Variants in HSPA14 observed in about 807,000 individuals in gnomAD.
HSPA14 encodes heat shock protein family A (Hsp70) member 14.
HSPA14 carries 37 observed loss-of-function variants against 65.5 expected under a neutral mutation model. That is an observed-to-expected ratio of 0.56 (90% CI 0.43 to 0.74). The LOEUF is 0.74. Ranked by LOEUF, HSPA14 falls within the 30% of genes least tolerant of loss-of-function variation. The pLI, the probability that HSPA14 is intolerant of heterozygous loss-of-function variation, is 0.00. For synonymous variants in HSPA14, 203 were observed against 214.2 expected (o/e 0.95, Z 0.46); for missense variants, 564 against 607.6 (o/e 0.93, Z 0.75).
chr10:14,870,727 G>A, intron 13 of HSPA14, 60 bp downstream of exon 13: 2 of 1,382,014 alleles, frequency 1.4e-6, no homozygotes, highest in Non-Finnish European at 1.9e-6. Flanking sequence ...CATTTTTTGA[G>A]TTTATTGATT....
chr10:14,849,399 A>G (rs1485387122), intron 5 of HSPA14: 2 of 508,236 alleles, frequency 3.9e-6, no homozygotes, highest in Non-Finnish European at 7.9e-6. Context: ...GAGAACTAAC[A>G]TTATGACGTT....
chr10:14,860,017 CTTCT>C (rs1832738318), intron 10 of HSPA14, among the ~76,000 whole-genome samples: 1 of 152,220 alleles, frequency 6.6e-6, no homozygotes, highest in African/African-American at 2.4e-5. Context: ...CTGTTCAAAT[CTTCT>C]TTAATACTTC....
At chr10:14,851,421 T>A in intron 7 of HSPA14, 98 bp downstream of exon 7, 1 of 714,184 alleles carries the variant, frequency 1.4e-6, no homozygotes, top group African/African-American at 1.8e-5. Flanking sequence ...ATGCAGTGGT[T>A]CCAAACCTTT....
chr10:14,858,748 C>A (rs1832728104), intron 10 of HSPA14, among the ~76,000 whole-genome samples: 1 of 152,186 alleles, frequency 6.6e-6, no homozygotes, highest in Non-Finnish European at 1.5e-5. Flanking sequence ...TAGGGATTTA[C>A]ATGTATTAAA....
intron 3 of HSPA14, among the ~76,000 whole-genome samples, chr10:14,847,731 A>G (rs1834071860): frequency 6.6e-6 from 1 of 152,246 alleles, no homozygotes; most frequent in African/African-American, 2.4e-5. Context: ...AAACAAATAG[A>G]ATAGTCACAG....
intron 12 of HSPA14, among the ~76,000 whole-genome samples, chr10:14,868,989 G>A (rs1832830889): frequency 6.6e-6 from 1 of 152,014 alleles, no homozygotes; most frequent in Non-Finnish European, 1.5e-5. Flanking sequence ...TGGGACTACA[G>A]GCGCCCACCA....
chr10:14,842,046 G>A lies in HSPA14; in HGVS notation c.221+1889G>A. 2.1e-6 allele frequency: 2 copies of A among 942,102 alleles called. No individual in the cohort carries two copies. 58.4% of individuals were successfully genotyped at this position (942,102 alleles called of 1,614,324 possible). On this transcript the variant is annotated intron_variant, in intron 3 of 13. Transcript: ENST00000378372. This position sits in a 1 kb window ranked among gnomAD's most constrained non-coding sequence, Gnocchi z 5.2. ...CAGTCTTGGCCTCATGCCTGTTTAT[G>A]ACCTACTCACAGGTAGCACCACTTA...
chr10:14,839,926 G>A lies in HSPA14; in HGVS notation c.79G>A (p.Ala27Thr). 1 of 1,612,760 alleles carries A rather than the reference G, an allele frequency of 6.2e-7. No individual in the cohort carries two copies. The highest frequency in any genetic ancestry group is 1.1e-5 in the South Asian group (1 of 91,024). ...VYKDGRAGVV[A>T]NDAGDRVTPA... is the part of the protein sequence containing the mutation. Reference sequence around the variant, plus strand: ...CTAGGATGGCCGGGCTGGTGTGGTTGCAAATGATGCCGGTGACCGAGTTAC... The same window carrying A: ...CTAGGATGGCCGGGCTGGTGTGGTTACAAATGATGCCGGTGACCGAGTTAC... Residue 27 changes from alanine to threonine, a missense_variant, in exon 2 of 14, where the codon GCA (alanine) becomes ACA (threonine). Physicochemically the swap from Ala to Thr is moderately conservative, Grantham distance 58. Coordinates refer to ENST00000378372, the MANE Select transcript of HSPA14 (RefSeq NM_016299.4).
intron 3 of HSPA14, chr10:14,843,284 T>C (rs1833998591): frequency 6.7e-7 from 1 of 1,490,986 alleles, no homozygotes; most frequent in Non-Finnish European, 9.1e-7. Flanking sequence ...AACCATAGTT[T>C]TATAATTTGT....
intron 9 of HSPA14, among the ~76,000 whole-genome samples, chr10:14,854,954 C>G (rs1041468478): frequency 6.6e-6 from 1 of 152,160 alleles, no homozygotes; most frequent in Non-Finnish European, 1.5e-5. Context: ...CAGCTATGCT[C>G]CAGATCTTTG....
intron 9 of HSPA14, among the ~76,000 whole-genome samples, chr10:14,855,101 A>G (rs1370126361): frequency 6.6e-6 from 1 of 152,158 alleles, no homozygotes; most frequent in African/African-American, 2.4e-5. Context: ...CTCGGTATAT[A>G]TTTGCTTTAT....
chr10:14,845,275 T>C, intron 3 of HSPA14: 5 of 985,384 alleles, frequency 5.1e-6, no homozygotes, highest in Non-Finnish European at 6.0e-6. Flanking sequence ...TCTTTAGGAT[T>C]TAAAAAGTTT....
At position 14,845,140 on chromosome 10, in the gene HSPA14, G is replaced by A. The variant is rs371086873; in HGVS notation, c.222-3469G>A. On this transcript the variant is annotated intron_variant, in intron 3 of 13. Coordinates refer to ENST00000378372, the MANE Select transcript of HSPA14 (RefSeq NM_016299.4). ...CCTCCACACCCCAGACACACACTGGGGAGAGATGAAGGTGATAAGCCACAC... is the reference window on the plus strand; with the variant it reads ...CCTCCACACCCCAGACACACACTGGAGAGAGATGAAGGTGATAAGCCACAC... The A allele has an allele frequency of 1.8e-4, 180 of 985,380 alleles. No individual in the cohort carries two copies. The South Asian group carries it at 6.7e-3, about 37-fold the overall frequency. 61.0% of individuals were successfully genotyped at this position (985,380 alleles called of 1,614,324 possible).
At position 14,842,969 on chromosome 10, in the gene HSPA14, G is replaced by A. The variant is rs763883353; in HGVS notation, c.221+2812G>A. 29 of 788,284 alleles carry A rather than the reference G, an allele frequency of 3.7e-5. No individual in the cohort carries two copies. The highest frequency in any genetic ancestry group is 1.2e-4 in the Admixed American group (4 of 34,020). 48.8% of individuals were successfully genotyped at this position (788,284 alleles called of 1,614,324 possible). A position where few individuals can be genotyped will look rare whatever the true frequency, so the allele number is the denominator to read the frequency against. On this transcript the variant is annotated intron_variant, in intron 3 of 13. Transcript: ENST00000378372. The surrounding 1 kb of genome is among the most constrained non-coding windows in gnomAD (Gnocchi z 5.2). ...CTGTTTCTGCCTCATTCTGCCCCAC[G>A]CACCTTTTCAAAAACCTAATAGTAA... is the stretch of plus-strand genomic sequence containing the variant.
rs1223554094 is a variant in HSPA14, at chr10:14,867,717, CT to C, written c.1207-17del. On this transcript the variant is annotated intron_variant, in intron 11 of 13. Coordinates refer to ENST00000378372, the MANE Select transcript of HSPA14 (RefSeq NM_016299.4). ...AAGATAAATACCAAAGAGTATGCAC[CT>C]TGTTTCCTGCTAACTAGGGTGTGGA... 1.2e-6 allele frequency: 2 copies of C among 1,603,122 alleles called. No individual in the cohort carries two copies. Among genetic ancestry groups the C allele is most frequent in the Non-Finnish European group, 1.7e-6 (2 of 1,176,032 alleles).
At position 14,842,792 on chromosome 10, in the gene HSPA14, C is replaced by T. The variant is rs766351742; in HGVS notation, c.221+2635C>T. ...GGATTGTCAGCTAAGAATCAGTGACCGGATACGAGAAACCAGTGACCTTGA... is the reference window on the plus strand; with the variant it reads ...GGATTGTCAGCTAAGAATCAGTGACTGGATACGAGAAACCAGTGACCTTGA... On this transcript the variant is annotated intron_variant, in intron 3 of 13. Transcript: ENST00000378372. This position sits in a 1 kb window ranked among gnomAD's most constrained non-coding sequence, Gnocchi z 5.2. The T allele has an allele frequency of 6.0e-5, 92 of 1,536,134 alleles. No individual in the cohort carries two copies. The Admixed American group carries it at 8.4e-4, about 14-fold the overall frequency.
chr10:14,839,565 C>A (rs1833942625), intron 1 of HSPA14, among the ~76,000 whole-genome samples: 1 of 146,528 alleles, frequency 6.8e-6, no homozygotes, highest in African/African-American at 2.5e-5. Context: ...AGCAAGACTC[C>A]GTGTCCAAAA....
chr10:14,845,321 T>C (rs1834035423), intron 3 of HSPA14: 1 of 984,958 alleles, frequency 1.0e-6, no homozygotes. Flanking sequence ...TAACAAAGAG[T>C]GGGCATGTTG....
At chr10:14,845,200 C>G in intron 3 of HSPA14, 2 of 985,362 alleles carry the variant, frequency 2.0e-6, no homozygotes, top group Non-Finnish European at 2.4e-6. Flanking sequence ...ACATTACTCT[C>G]TGTCATTAAA....
Sources: gnomAD v4.1 joint callset for allele counts (sites outside exome capture counted in the v4.1 genomes callset) on GRCh38, gnomAD v4.1.1 for gene constraint, Gnocchi (gnomAD v3.1) non-coding constraint, MANE v1.5 for transcripts, NCBI Gene and HGNC (gene_info 2026-07-23, HGNC 2026-07-21) for gene names.